Variants in WDFY2 observed in about 807,000 individuals in gnomAD.
WDFY2 encodes the protein WD repeat and FYVE domain containing 2.
In WDFY2, 36 loss-of-function variants were observed where a neutral mutation model predicts 56.4. The observed-to-expected ratio is 0.64, with a 90% confidence interval of 0.49 to 0.84. The LOEUF is 0.84. WDFY2 is among the 40% of genes least tolerant of loss of function. The pLI, the probability that WDFY2 is intolerant of heterozygous loss-of-function variation, is 0.00. For missense variants in WDFY2, 444 were observed against 512.2 expected (o/e 0.87, Z 1.29); for synonymous variants, 176 against 183.7 (o/e 0.96, Z 0.34).
At chr13:51,646,609 T>C (rs1955267794) in intron 1 of WDFY2, among the ~76,000 whole-genome samples, 1 of 152,192 alleles carries the variant, frequency 6.6e-6, no homozygotes, top group Non-Finnish European at 1.5e-5. Flanking sequence ...AGGTGTTTGA[T>C]AAATGTGTGT....
intron 3 of WDFY2, among the ~76,000 whole-genome samples, chr13:51,695,800 G>A (rs1403641147): frequency 1.3e-5 from 2 of 152,232 alleles, no homozygotes; most frequent in Non-Finnish European, 2.9e-5. Context: ...ACAGAGGCAG[G>A]CAGGCCTCCT....
chr13:51,741,041 G>T (rs1952962526), intron 7 of WDFY2, among the ~76,000 whole-genome samples: 1 of 152,196 alleles, frequency 6.6e-6, no homozygotes, highest in Admixed American at 6.5e-5. Flanking sequence ...CCTACAGTTT[G>T]TTACGAAAGG....
chr13:51,622,103 G>A (rs564003828), intron 1 of WDFY2, among the ~76,000 whole-genome samples: 21 of 152,308 alleles, frequency 1.4e-4, no homozygotes, highest in Admixed American at 5.9e-4. Context: ...ATTGGAGGTC[G>A]TTATTAGTTC....
chr13:51,616,526 A>G (rs544742478), intron 1 of WDFY2, among the ~76,000 whole-genome samples: 63 of 152,114 alleles, frequency 4.1e-4, no homozygotes, highest in Non-Finnish European at 7.9e-4. Flanking sequence ...TTTATTTCTC[A>G]CTCATGGTCG....
intron 1 of WDFY2, among the ~76,000 whole-genome samples, chr13:51,629,560 C>T (rs1954909564): frequency 6.6e-6 from 1 of 152,102 alleles, no homozygotes; most frequent in East Asian, 1.9e-4. Flanking sequence ...GTGAAATACT[C>T]TGTGAACTGT....
intron 9 of WDFY2, 23 bp downstream of exon 9, chr13:51,755,482 C>T (rs779713722): frequency 1.9e-6 from 3 of 1,600,764 alleles, no homozygotes; most frequent in Non-Finnish European, 2.6e-6. Context: ...GATGCTTCAT[C>T]AAAATGTAAT....
intron 4 of WDFY2, among the ~76,000 whole-genome samples, chr13:51,707,135 A>G (rs773025521): frequency 6.6e-6 from 1 of 152,206 alleles, no homozygotes; most frequent in Non-Finnish European, 1.5e-5. Context: ...TTTGATGTCT[A>G]TGGAACAACA....
chr13:51,747,249 G>A (rs1459528698), intron 7 of WDFY2, among the ~76,000 whole-genome samples: 2 of 152,180 alleles, frequency 1.3e-5, no homozygotes, highest in East Asian at 1.9e-4. Context: ...TCAGAATGAG[G>A]GAAAGTAAAA....
At chr13:51,586,119 AC>A (rs1953932215) in intron 1 of WDFY2, 2 of 398,410 alleles carry the variant, frequency 5.0e-6, no homozygotes, top group Non-Finnish European at 8.8e-6. Context: ...TGGATGTAGG[AC>A]CCTTTTGAAA....
intron 4 of WDFY2, among the ~76,000 whole-genome samples, chr13:51,713,806 C>G (rs772017625): frequency 7.0e-6 from 1 of 143,040 alleles, no homozygotes; most frequent in Non-Finnish European, 1.5e-5. Flanking sequence ...GAGATTGCAC[C>G]ACTGCATTCC....
chr13:51,593,666 G>A (rs1051705553), intron 1 of WDFY2, among the ~76,000 whole-genome samples: 10 of 151,892 alleles, frequency 6.6e-5, no homozygotes, highest in Admixed American at 6.6e-4. Flanking sequence ...TTTTCTGTTC[G>A]TTTATTTCTA....
In WDFY2 at chr13:51,760,347, T is replaced by A. The variant is rs1953542097; in HGVS notation, c.*578T>A. 1 of 152,198 alleles carries A rather than the reference T, an allele frequency of 6.6e-6. No homozygotes were observed. The highest frequency in any genetic ancestry group is 2.4e-5 in the African/African-American group (1 of 41,440). 9.4% of individuals were successfully genotyped at this position (152,198 alleles called of 1,614,324 possible). ...TCATGTGGATTCACCAGCCAGCTGC[T>A]GGAATTGCCTGAAGAGCGATTTGTT... On this transcript the variant is annotated 3_prime_UTR_variant, in exon 12 of 12. Transcript: ENST00000298125.
chr13:51,654,744 C>T (rs1259120469), intron 1 of WDFY2, among the ~76,000 whole-genome samples: 1 of 152,184 alleles, frequency 6.6e-6, no homozygotes, highest in East Asian at 1.9e-4. Flanking sequence ...AAATTCCTAA[C>T]CATCCATATG....
chr13:51,599,576 C>T (rs1954226327), intron 1 of WDFY2: 1 of 152,178 alleles, frequency 6.6e-6, no homozygotes. Flanking sequence ...GTATATGTTT[C>T]CTAAAAATGA....
At chr13:51,725,544 G>A (rs1294273896) in intron 5 of WDFY2, among the ~76,000 whole-genome samples, 3 of 151,928 alleles carry the variant, frequency 2.0e-5, no homozygotes, top group Admixed American at 6.6e-5. Context: ...GTGTTTTAAA[G>A]GCACTCGAAA....
At chr13:51,615,079 A>G (rs1954586087) in intron 1 of WDFY2, among the ~76,000 whole-genome samples, 1 of 152,244 alleles carries the variant, frequency 6.6e-6, no homozygotes. Flanking sequence ...TTTAAAAACT[A>G]TCTTGAAACC....
At chr13:51,685,909 G>A (rs941436158) in intron 3 of WDFY2, among the ~76,000 whole-genome samples, 1 of 152,150 alleles carries the variant, frequency 6.6e-6, no homozygotes, top group African/African-American at 2.4e-5. Flanking sequence ...TTTTTTGAGT[G>A]AATAAAAGCC....
chr13:51,705,949 T>C (rs896728234), intron 4 of WDFY2, among the ~76,000 whole-genome samples: 2 of 152,238 alleles, frequency 1.3e-5, no homozygotes, highest in Admixed American at 6.5e-5. Flanking sequence ...AATTTCTGAC[T>C]AATTTTGTGT....
intron 3 of WDFY2, among the ~76,000 whole-genome samples, chr13:51,691,008 C>A (rs923552708): frequency 6.6e-6 from 1 of 152,226 alleles, no homozygotes. Flanking sequence ...TGAGAAGTGT[C>A]TGTTCATGTC....
Sources: gnomAD v4.1 joint callset for allele counts (sites outside exome capture counted in the v4.1 genomes callset) on GRCh38, gnomAD v4.1.1 for gene constraint, MANE v1.5 for transcripts, NCBI Gene and HGNC (gene_info 2026-07-23, HGNC 2026-07-21) for gene names.